PPP6R3: variants seen among roughly 807,000 people sequenced by gnomAD.
PPP6R3 encodes the protein serine/threonine-protein phosphatase 6 regulatory subunit 3.
PPP6R3 carries 38 observed loss-of-function variants against 110.7 expected under a neutral mutation model. The observed-to-expected ratio is 0.34, with a 90% confidence interval of 0.26 to 0.45. PPP6R3 has a LOEUF of 0.45. Among genes scored for constraint, PPP6R3 ranks in the 20% least tolerant of loss-of-function variants. The probability of loss-of-function intolerance (pLI) is 1.00; values close to 1 mark genes in which losing one functional copy is unlikely to be tolerated. For missense variants in PPP6R3, 870 were observed against 1,062.4 expected, an observed-to-expected ratio of 0.82 and a Z score of 2.52; for synonymous variants, 369 against 373.5, an observed-to-expected ratio of 0.99 and a Z score of 0.14.
chr11:68,554,260 A>G lies in PPP6R3; in HGVS notation c.731+3A>G. On this transcript the variant is annotated splice_donor_region_variant and intron_variant, in intron 7 of 23. Transcript: ENST00000393800. ...CCCCTGCTTGCCACTCTAGAAAAGT[A>G]TGTGTAAAACTCTGTTCTTGTTCTT... is the stretch of plus-strand genomic sequence containing the variant. 6.3e-7 allele frequency: 1 copy of G among 1,595,822 alleles called. No homozygotes were observed. The highest frequency in any genetic ancestry group is 8.6e-7 in the Non-Finnish European group (1 of 1,164,856).
intron 14 of PPP6R3, among the ~76,000 whole-genome samples, chr11:68,578,288 T>C (rs1337591618): frequency 6.6e-6 from 1 of 152,236 alleles, no homozygotes; most frequent in African/African-American, 2.4e-5. Flanking sequence ...TAAACACAAC[T>C]TGGTAAATGC....
chr11:68,464,263 C>T (rs1387297053), intron 1 of PPP6R3, among the ~76,000 whole-genome samples: 1 of 152,054 alleles, frequency 6.6e-6, no homozygotes, highest in Non-Finnish European at 1.5e-5. Flanking sequence ...TCCCTAGTGG[C>T]GGGGATTACA....
At chr11:68,471,834 G>C (rs2098794017) in intron 1 of PPP6R3, among the ~76,000 whole-genome samples, 1 of 152,152 alleles carries the variant, frequency 6.6e-6, no homozygotes, top group African/African-American at 2.4e-5. Flanking sequence ...GTGGAGAGTT[G>C]GCATCCATGG....
In PPP6R3 at chr11:68,543,966, A is replaced by AT. The variant is rs1433287532; in HGVS notation, c.228-871dup. Among the ~76,000 whole-genome samples the AT allele has an allele frequency of 3.9e-5, 6 of 152,308 alleles. No individual in the cohort carries two copies. The South Asian group carries it at 1.0e-3, about 26-fold the overall frequency. On this transcript the variant is annotated intron_variant, in intron 3 of 23. Transcript: ENST00000393800. ...TGTAGAAGAGCCTGTGTGGGTCCAT[A>AT]TAGAGCAGGTGTCATGTTCTTAGCC...
chr11:68,515,362 A>G (rs1386123310), intron 1 of PPP6R3, among the ~76,000 whole-genome samples: 10 of 152,284 alleles, frequency 6.6e-5, no homozygotes, highest in African/African-American at 2.4e-4. Flanking sequence ...CAGGGTCTCC[A>G]CAAGGCAGAC....
intron 14 of PPP6R3, among the ~76,000 whole-genome samples, chr11:68,580,698 T>C (rs1015393342): frequency 1.3e-5 from 2 of 149,926 alleles, no homozygotes; most frequent in African/African-American, 4.9e-5. Flanking sequence ...ATCTGAATAA[T>C]GAACCAATGG....
chr11:68,507,247 T>C (rs1342238052), intron 1 of PPP6R3, among the ~76,000 whole-genome samples: 4 of 54,094 alleles, frequency 7.4e-5, no homozygotes, highest in African/African-American at 4.6e-4. Flanking sequence ...TCTTTTTGCA[T>C]TTTTTTTTTT....
chr11:68,538,016 A>G (rs2099279280), intron 3 of PPP6R3, 125 bp downstream of exon 3: 1 of 731,216 alleles, frequency 1.4e-6, no homozygotes, highest in Non-Finnish European at 2.2e-6. Context: ...ATAGTCAAGA[A>G]TGACAGGCTC....
At chr11:68,592,153 CT>C (rs35585116) in intron 18 of PPP6R3, among the ~76,000 whole-genome samples, 111 of 146,068 alleles carry the variant, frequency 7.6e-4, no homozygotes, top group African/African-American at 1.3e-3. Context: ...CAATCCAGTC[CT>C]TTTTTTTTTT....
In PPP6R3 at chr11:68,609,965, GAGA is replaced by G; in HGVS notation, c.2513_2515del (p.Glu838_Thr839delinsAla). 1.2e-6 allele frequency: 2 copies of G among 1,614,144 alleles called. No homozygotes were observed. Among genetic ancestry groups the G allele is most frequent in the Non-Finnish European group, 1.7e-6 (2 of 1,180,022 alleles). ...TTGTAAAGACGCAGAGGAGTGTCCC[GAGA>G]CTGCAGAGGCGAAGTGCGCGGCGCC... is the stretch of plus-strand genomic sequence containing the variant. On this transcript the variant is annotated inframe_deletion, in exon 23 of 24. Transcript: ENST00000393800.
Position 68,614,220 on chromosome 11 carries a change from G to T in PPP6R3, c.*1103G>T. On this transcript the variant is annotated 3_prime_UTR_variant, in exon 24 of 24. Coordinates refer to ENST00000393800, the MANE Select transcript of PPP6R3 (RefSeq NM_001164161.2). ...TTTTCACTCATAAATTTAAACCAGT[G>T]TATTTTTTTAGAACTGGTTTGTGTA... 9.1e-6 allele frequency: 9 copies of T among 988,256 alleles called. No individual in the cohort carries two copies. Among genetic ancestry groups the T allele is most frequent in the Non-Finnish European group, 1.1e-5 (9 of 831,670 alleles). The allele number at this position is 988,256 out of a possible 1,614,324, so 61.2% of individuals were successfully genotyped here.
At chr11:68,603,248 A>G in intron 21 of PPP6R3, 94 bp from the exon 22 acceptor site, 1 of 1,477,022 alleles carries the variant, frequency 6.8e-7, no homozygotes, top group South Asian at 1.3e-5. Context: ...TTCAAGCAGT[A>G]GATGTCACGT....
At position 68,613,140 on chromosome 11, in the gene PPP6R3, A is replaced by G. The variant is rs980070858; in HGVS notation, c.*23A>G. The G allele has an allele frequency of 1.9e-6, 3 of 1,613,670 alleles. No individual in the cohort carries two copies. In the African/African-American group the frequency reaches 4.0e-5, roughly 22 times the overall value. ...TGACGGGTGACGTCTGCTGCTGCTG[A>G]CTGAGGACTGCAGACCGCCACCACT... On this transcript the variant is annotated 3_prime_UTR_variant, in exon 24 of 24. Coordinates refer to ENST00000393800, the MANE Select transcript of PPP6R3 (RefSeq NM_001164161.2).
At chr11:68,584,707 G>T (rs911244977) in intron 15 of PPP6R3, among the ~76,000 whole-genome samples, 1 of 152,128 alleles carries the variant, frequency 6.6e-6, no homozygotes, top group Non-Finnish European at 1.5e-5. Context: ...GACAGCTCAC[G>T]TGCGTACGAA....
chr11:68,477,708 C>G (rs2098841985), intron 1 of PPP6R3, among the ~76,000 whole-genome samples: 1 of 119,662 alleles, frequency 8.4e-6, no homozygotes, highest in Non-Finnish European at 1.7e-5. Context: ...GCCTGAGAGA[C>G]AGAGAGAGAC....
chr11:68,579,804 C>T (rs2099546066), intron 14 of PPP6R3, among the ~76,000 whole-genome samples: 1 of 152,224 alleles, frequency 6.6e-6, no homozygotes, highest in African/African-American at 2.4e-5. Context: ...TCACCATGCT[C>T]CAGTTGCCTC....
intron 4 of PPP6R3, among the ~76,000 whole-genome samples, chr11:68,547,257 G>A (rs1014902118): frequency 6.6e-6 from 1 of 151,880 alleles, no homozygotes; most frequent in Non-Finnish European, 1.5e-5. Flanking sequence ...AACCCCCCAC[G>A]CCCCAGAGCT....
chr11:68,468,906 T>C (rs1031728254), intron 1 of PPP6R3, among the ~76,000 whole-genome samples: 10 of 152,386 alleles, frequency 6.6e-5, no homozygotes, highest in African/African-American at 2.4e-4. Context: ...GTAACTTTGC[T>C]GTGGAGTCTC....
chr11:68,524,145 C>T (rs954242622), intron 2 of PPP6R3, among the ~76,000 whole-genome samples: 4 of 152,126 alleles, frequency 2.6e-5, no homozygotes, highest in African/African-American at 4.8e-5. Flanking sequence ...TTTGCCAGGG[C>T]GCCTCCAATT....
Sources: gnomAD v4.1 joint callset for allele counts (sites outside exome capture counted in the v4.1 genomes callset) on GRCh38, gnomAD v4.1.1 for gene constraint, MANE v1.5 for transcripts, NCBI Gene and HGNC (gene_info 2026-07-23, HGNC 2026-07-21) for gene names.